Variants in TMC8 observed in about 807,000 individuals in gnomAD.
TMC8 encodes transmembrane channel-like protein 8.
Under a neutral mutation model 76.0 loss-of-function variants are expected in TMC8, and 71 were observed. The observed-to-expected ratio is 0.93, with a 90% confidence interval of 0.77 to 1.14. The LOEUF is 1.14. Ranked by LOEUF, TMC8 falls within the 50% of genes most tolerant of loss-of-function variation. TMC8 has a pLI of 0.00. For missense variants in TMC8, 924 were observed against 947.9 expected (o/e 0.97, Z 0.33); for synonymous variants, 433 against 433.8 (o/e 1.00, Z 0.02).
intron 3 of TMC8, 113 bp from the exon 4 acceptor site, chr17:78,132,246 G>T (rs1358960979): frequency 2.1e-6 from 3 of 1,431,412 alleles, no homozygotes; most frequent in Non-Finnish European, 2.9e-6. Context: ...GGACTCGGGC[G>T]GGTGGGAGCC....
chr17:78,140,996 C>A lies in TMC8; in HGVS notation c.2065C>A (p.Pro689Thr). 1 of 1,593,006 alleles carries A rather than the reference C, an allele frequency of 6.3e-7. No individual in the cohort carries two copies. Among genetic ancestry groups the A allele is most frequent in the Non-Finnish European group, 8.5e-7 (1 of 1,170,800 alleles). Reference protein sequence around the residue: ...PCPGSPGHQAPRPGPSVVDAA... With the variant: ...PCPGSPGHQATRPGPSVVDAA... ...CCCTGGCTCCCCGGGCCACCAGGCC[C>A]CGCGGCCGGGCCCCTCCGTCGTGGA... Residue 689 changes from proline (P) to threonine (T), a missense_variant, in exon 16 of 16, where the codon CCG (proline) becomes ACG (threonine). Coordinates refer to ENST00000318430, the MANE Select transcript of TMC8 (RefSeq NM_152468.5).
rs750545069 is a variant in TMC8, at chr17:78,132,847, C to T, written c.508C>T (p.Leu170Phe). The change falls in exon 5 of 16, where the codon CTT becomes TTT. Residue 170 changes from leucine (L) to phenylalanine (F), a missense_variant. By Grantham distance (22) the Leu-to-Phe change is conservative. Transcript: ENST00000318430. Reference protein sequence around the residue: ...PPGVLRFHNQLWHVLTGRAFT... With the variant: ...PPGVLRFHNQFWHVLTGRAFT... ...TGGCGTTTTGAGGTTCCACAATCAA[C>T]TTTGGCATGTTTTGACTGGCAGGGT... is the stretch of plus-strand genomic sequence containing the variant. 8.1e-6 allele frequency: 13 copies of T among 1,614,230 alleles called. No homozygotes were observed. The South Asian group carries it at 1.2e-4, about 15-fold the overall frequency.
At position 78,138,345 on chromosome 17, in the gene TMC8, C is replaced by G. The variant is rs1447387746; in HGVS notation, c.1534-4C>G. On this transcript the variant is annotated splice_region_variant and splice_polypyrimidine_tract_variant and intron_variant, in intron 12 of 15. Coordinates refer to ENST00000318430, the MANE Select transcript of TMC8 (RefSeq NM_152468.5). ...CTCCTGGTTGCTATTGCTTGCGCCC[C>G]CAGTACACCCTCCTGAAGAACTCCA... 3 of 1,610,682 alleles carry G rather than the reference C, an allele frequency of 1.9e-6. No homozygotes were observed. Among genetic ancestry groups the G allele is most frequent in the African/African-American group, 2.7e-5 (2 of 74,916 alleles).
At chr17:78,137,575 C>A in intron 10 of TMC8, 142 bp from the exon 11 acceptor site, 1 of 1,119,562 alleles carries the variant, frequency 8.9e-7, no homozygotes, top group Non-Finnish European at 1.3e-6. Context: ...TAATCCCATC[C>A]TCAAGGCCTG....
intron 9 of TMC8, among the ~76,000 whole-genome samples, chr17:78,135,231 C>T (rs1165993892): frequency 6.6e-6 from 1 of 152,204 alleles, no homozygotes. Flanking sequence ...CCAGTCTGGA[C>T]CAAGCTCCGG....
At chr17:78,134,028 C>A in intron 7 of TMC8, 28 bp downstream of exon 7, 1 of 1,613,496 alleles carries the variant, frequency 6.2e-7, no homozygotes, top group African/African-American at 1.3e-5. Context: ...TGCCTGAGAT[C>A]CACAAGCTCC....
In TMC8 at chr17:78,140,834, C is replaced by T. The variant is rs2075358027; in HGVS notation, c.1903C>T (p.Gln635Ter). 1.2e-6 allele frequency: 2 copies of T among 1,606,932 alleles called. No individual in the cohort carries two copies. The highest frequency in any genetic ancestry group is 1.1e-5 in the South Asian group (1 of 89,660). Residue 635 changes from glutamine (Q) to a stop codon, truncating the protein, a stop_gained and splice_region_variant, in exon 16 of 16, where the codon CAG becomes TAG. Coordinates refer to ENST00000318430, the MANE Select transcript of TMC8 (RefSeq NM_152468.5). LOFTEE classifies it low-confidence loss of function (END_TRUNC). ...AACTCGCCACTTGTTCTCCTCACAG[C>T]AGGTTCAGGAGAAGTGGCACCTGGT... is the stretch of plus-strand genomic sequence containing the variant. ...IHRLRKQLVW[Q>*]VQEKWHLVED...
chr17:78,133,918 A>C lies in TMC8; in HGVS notation c.734A>C (p.Lys245Thr), dbSNP rs201752831. ...GGCTATCAGGCGCCTCTCAGCGCCA[A>C]GGTCTTCTCCTCATGGGACTTCTGC... ...GQGYQAPLSAKVFSSWDFCIR... is the reference protein window; with the variant it reads ...GQGYQAPLSATVFSSWDFCIR... Residue 245 changes from lysine (K) to threonine (T), a missense_variant, in exon 7 of 16, where the codon AAG becomes ACG. Transcript: ENST00000318430. The C allele has an allele frequency of 1.2e-6, 2 of 1,613,512 alleles. No individual in the cohort carries two copies. Among genetic ancestry groups the C allele is most frequent in the African/African-American group, 1.3e-5 (1 of 74,954 alleles).
At chr17:78,134,346 C>T in intron 7 of TMC8, 48 bp from the exon 8 acceptor site, 2 of 1,598,552 alleles carry the variant, frequency 1.3e-6, no homozygotes, top group African/African-American at 1.3e-5. Context: ...CCTTTCCTCC[C>T]ATGCCCACCC....
At chr17:78,133,208 C>G (rs1282894458) in intron 5 of TMC8, among the ~76,000 whole-genome samples, 198 bp from the exon 6 acceptor site, 3 of 152,182 alleles carry the variant, frequency 2.0e-5, no homozygotes, top group African/African-American at 7.2e-5. Context: ...CAATGGGGTT[C>G]CTGGGTTCCA....
rs374762240 is a variant in TMC8 at position 78,133,400 on chromosome 17, C to T, written c.532-6C>T. ...CCGGGCTGGGTATCTTCGTCGCTGT[C>T]CCCAGGCCTTCACCAACACCTATCT... On this transcript the variant is annotated splice_region_variant and splice_polypyrimidine_tract_variant and intron_variant, in intron 5 of 15. Coordinates refer to ENST00000318430, the MANE Select transcript of TMC8 (RefSeq NM_152468.5). The T allele has an allele frequency of 1.4e-5, 23 of 1,613,604 alleles. No individual in the cohort carries two copies. In the East Asian group the frequency reaches 2.0e-4, roughly 14 times the overall value.
At chr17:78,137,421 CTG>C in intron 10 of TMC8, 63 bp downstream of exon 10, 1 of 1,611,384 alleles carries the variant, frequency 6.2e-7, no homozygotes, top group Non-Finnish European at 8.5e-7. Context: ...TCACCTCAAA[CTG>C]TGCAGAGCCC....
chr17:78,134,477 G>T lies in TMC8; in HGVS notation c.900G>T (p.Leu300=). 1 of 1,614,060 alleles carries T rather than the reference G, an allele frequency of 6.2e-7. No homozygotes were observed. The highest frequency in any genetic ancestry group is 1.1e-5 in the South Asian group (1 of 91,086). ...AQTACRLLSY[L]RVNVLNGLLV... is the part of the protein sequence containing the mutation. ...CGGCCTGCCGCCTGCTCTCCTACCT[G>T]CGGGTCAACGTACTCAACGGGCTCC... is the stretch of plus-strand genomic sequence containing the variant. Residue 300 remains leucine, a synonymous_variant, in exon 8 of 16, where the codon CTG becomes CTT. Coordinates refer to ENST00000318430, the MANE Select transcript of TMC8 (RefSeq NM_152468.5).
chr17:78,138,794 G>T, intron 14 of TMC8, 62 bp downstream of exon 14: 1 of 1,595,088 alleles, frequency 6.3e-7, no homozygotes. Context: ...TTCCTTCCAT[G>T]GGGGTGGTGA....
intron 15 of TMC8, among the ~76,000 whole-genome samples, chr17:78,140,215 T>C (rs1161338435): frequency 6.6e-6 from 1 of 152,024 alleles, no homozygotes; most frequent in Non-Finnish European, 1.5e-5. Flanking sequence ...TCACAGCTAT[T>C]CCGGAGGCTG....
intron 1 of TMC8, 170 bp downstream of exon 1, chr17:78,131,021 A>C: frequency 5.4e-6 from 1 of 184,962 alleles, no homozygotes; most frequent in Non-Finnish European, 1.1e-5. Flanking sequence ...AGGCTGGACC[A>C]CAAGAAGGAA....
chr17:78,132,919 G>T, intron 5 of TMC8, 49 bp downstream of exon 5: 1 of 1,602,008 alleles, frequency 6.2e-7, no homozygotes, highest in Non-Finnish European at 8.6e-7. Context: ...GAGACCCAGG[G>T]AACTGGCTTC....
chr17:78,136,202 C>T (rs551197338), intron 9 of TMC8, among the ~76,000 whole-genome samples: 3 of 152,324 alleles, frequency 2.0e-5, no homozygotes, highest in South Asian at 2.1e-4. Context: ...GTGACTCACG[C>T]CTGTAAAGGC....
intron 8 of TMC8, 43 bp from the exon 9 acceptor site, chr17:78,134,827 G>A (rs1567799002): frequency 6.2e-7 from 1 of 1,610,936 alleles, no homozygotes; most frequent in Admixed American, 1.7e-5. Flanking sequence ...GCAGACAGGG[G>A]CCCCCCAGCA....
Sources: allele counts gnomAD v4.1 joint callset (sites outside exome capture counted in the v4.1 genomes callset), GRCh38; gene constraint gnomAD v4.1.1; transcripts MANE v1.5; gene names NCBI Gene and HGNC (gene_info 2026-07-23, HGNC 2026-07-21).